FSTL5: variants seen among roughly 807,000 people sequenced by gnomAD.
FSTL5 encodes follistatin-related protein 5.
A neutral mutation model predicts 89.1 loss-of-function variants in FSTL5; 62 were observed. That is an observed-to-expected ratio of 0.70 (90% CI 0.57 to 0.86). The LOEUF is 0.86. Among genes scored for constraint, FSTL5 ranks in the 40% least tolerant of loss-of-function variants. FSTL5 has a pLI of 0.00. For missense variants in FSTL5, 1,057 were observed against 1,001.6 expected (o/e 1.06, Z -0.75); for synonymous variants, 383 against 346.2 (o/e 1.11, Z -1.18).
chr4:161,566,385 C>T (rs1732818312), intron 8 of FSTL5, among the ~76,000 whole-genome samples: 1 of 151,756 alleles, frequency 6.6e-6, no homozygotes, highest in Non-Finnish European at 1.5e-5. Context: ...GATTCCACAT[C>T]TTTACTATTG....
At chr4:161,664,936 A>C (rs911374968) in intron 6 of FSTL5, 1 of 186,166 alleles carries the variant, frequency 5.4e-6, no homozygotes, top group African/African-American at 2.4e-5. Context: ...AACCCGTCAG[A>C]TCTCATGAGA....
intron 4 of FSTL5, among the ~76,000 whole-genome samples, chr4:161,910,752 A>G (rs1733666793): frequency 1.3e-5 from 2 of 152,256 alleles, no homozygotes; most frequent in East Asian, 3.9e-4. Flanking sequence ...TTGCTTCTTC[A>G]TACTAATGAA....
chr4:161,464,984 A>G (rs1733703128), intron 13 of FSTL5, among the ~76,000 whole-genome samples: 1 of 152,158 alleles, frequency 6.6e-6, no homozygotes, highest in Admixed American at 6.5e-5. Context: ...TTGTTGAAGT[A>G]TGCACTATTG....
chr4:161,582,028 C>A (rs552593105), intron 8 of FSTL5, among the ~76,000 whole-genome samples: 18 of 152,292 alleles, frequency 1.2e-4, no homozygotes, highest in Non-Finnish European at 1.5e-5. Context: ...TTTCTTCAGA[C>A]AATGGCACAG....
intron 2 of FSTL5, among the ~76,000 whole-genome samples, chr4:162,103,008 G>T (rs1490261281): frequency 1.3e-5 from 2 of 151,882 alleles, no homozygotes; most frequent in African/African-American, 2.4e-5. Context: ...TTAATGTAGG[G>T]TCACAAAGGT....
At chr4:162,100,221 G>A (rs894751300) in intron 2 of FSTL5, among the ~76,000 whole-genome samples, 2 of 152,144 alleles carry the variant, frequency 1.3e-5, no homozygotes, top group Non-Finnish European at 2.9e-5. Context: ...TCAGAAAATG[G>A]AGTATTATTC....
intron 15 of FSTL5, among the ~76,000 whole-genome samples, chr4:161,409,628 C>T (rs1731518854): frequency 1.3e-5 from 2 of 152,284 alleles, no homozygotes; most frequent in Middle Eastern, 3.4e-3. Context: ...GATCCACCTG[C>T]CTTGGCCTCC....
At chr4:161,593,899 G>T (rs747926832) in intron 7 of FSTL5, among the ~76,000 whole-genome samples, 2 of 151,976 alleles carry the variant, frequency 1.3e-5, no homozygotes, top group Non-Finnish European at 2.9e-5. Flanking sequence ...ATTAAAAACA[G>T]GGCTCATACA....
At chr4:161,588,623 T>TAAACACTGC (rs1733701175) in intron 7 of FSTL5, among the ~76,000 whole-genome samples, 3 of 152,170 alleles carry the variant, frequency 2.0e-5, no homozygotes, top group African/African-American at 7.2e-5. Context: ...AAAATCAATT[T>TAAACACTGC]TTTTCAGAAT....
intron 3 of FSTL5, among the ~76,000 whole-genome samples, chr4:161,934,183 T>C (rs1258477780): frequency 1.3e-5 from 2 of 152,122 alleles, no homozygotes; most frequent in Non-Finnish European, 1.5e-5. Context: ...TTCAAACTTA[T>C]GCTTTCTTGA....
chr4:161,385,969 C>T lies in FSTL5; in HGVS notation c.2322G>A (p.Gly774=), dbSNP rs904129235. Residue 774 remains glycine, a synonymous_variant, in exon 16 of 16, where the codon GGG becomes GGA. Transcript: ENST00000306100. The part of the protein sequence containing the change: ...TDVLFVELSS[G]KVKMIKSLKE... ...TGAGACTCTTTATCATCTTGACCTTCCCAGAAGAGAGCTCCACAAAGAGCA... is the reference window on the plus strand; with the variant it reads ...TGAGACTCTTTATCATCTTGACCTTTCCAGAAGAGAGCTCCACAAAGAGCA... 1 of 1,613,822 alleles carries T rather than the reference C, an allele frequency of 6.2e-7. No individual in the cohort carries two copies. Among genetic ancestry groups the T allele is most frequent in the African/African-American group, 1.3e-5 (1 of 74,864 alleles).
At chr4:161,632,109 G>A (rs570794724) in intron 7 of FSTL5, among the ~76,000 whole-genome samples, 1 of 152,274 alleles carries the variant, frequency 6.6e-6, no homozygotes, top group South Asian at 2.1e-4. Context: ...AGCCAGGCAT[G>A]GTGGCTCACA....
intron 1 of FSTL5, among the ~76,000 whole-genome samples, chr4:162,141,136 A>G (rs1358428756): frequency 3.3e-5 from 1 of 30,340 alleles, no homozygotes; most frequent in African/African-American, 1.4e-4. Flanking sequence ...TTTTTTTTTG[A>G]GACGGAGTTT....
At chr4:161,566,135 T>TATATAC (rs1267325201) in intron 8 of FSTL5, among the ~76,000 whole-genome samples, 620 of 54,832 alleles carry the variant, frequency 0.011, 2 homozygotes, top group Non-Finnish European at 0.015. Context: ...TATATATATA[T>TATATAC]ACACACACAC....
intron 1 of FSTL5, among the ~76,000 whole-genome samples, chr4:162,134,253 A>C (rs186664425): frequency 1.3e-5 from 2 of 152,314 alleles, no homozygotes; most frequent in Non-Finnish European, 2.9e-5. Flanking sequence ...ATCTCAGGCC[A>C]TGGAGGCTTA....
chr4:161,702,126 GT>G (rs1255165139), intron 6 of FSTL5, among the ~76,000 whole-genome samples: 1 of 151,802 alleles, frequency 6.6e-6, no homozygotes, highest in Admixed American at 6.6e-5. Context: ...AACTATTAAG[GT>G]TTTTTTCTTG....
chr4:162,026,228 C>A (rs1040792888), intron 3 of FSTL5, among the ~76,000 whole-genome samples: 4 of 148,654 alleles, frequency 2.7e-5, no homozygotes, highest in African/African-American at 9.9e-5. Flanking sequence ...AGCCATCAAA[C>A]ACATTTTGGT....
At position 161,385,380 on chromosome 4, in the gene FSTL5, G is replaced by C. The variant is rs1167508665; in HGVS notation, c.*367C>G. 1 of 176,646 alleles carries C rather than the reference G, an allele frequency of 5.7e-6. No homozygotes were observed. The highest frequency in any genetic ancestry group is 1.2e-5 in the Non-Finnish European group (1 of 83,382). 10.9% of individuals were successfully genotyped at this position (176,646 alleles called of 1,614,324 possible). A position where few individuals can be genotyped will look rare whatever the true frequency, so the allele number is the denominator to read the frequency against. ...ATTTCTTGTTTAATCATACCAAAAG[G>C]ACAGAGAAAAAAAATAAACTACCCT... On this transcript the variant is annotated 3_prime_UTR_variant, in exon 16 of 16. Coordinates refer to ENST00000306100, the MANE Select transcript of FSTL5 (RefSeq NM_020116.5).
chr4:161,568,693 A>G (rs915655728), intron 8 of FSTL5, among the ~76,000 whole-genome samples: 1 of 152,138 alleles, frequency 6.6e-6, no homozygotes, highest in African/African-American at 2.4e-5. Context: ...AATCAAGGCT[A>G]AGGCAGAGAT....
Sources: gnomAD v4.1 joint callset for allele counts (sites outside exome capture counted in the v4.1 genomes callset) on GRCh38, gnomAD v4.1.1 for gene constraint, MANE v1.5 for transcripts, NCBI Gene and HGNC (gene_info 2026-07-23, HGNC 2026-07-21) for gene names.